Variants in PLCXD3 observed in about 807,000 individuals in gnomAD.
PLCXD3 encodes phosphatidylinositol specific phospholipase C X domain containing 3, also known as PI-PLC X domain-containing protein 3.
In PLCXD3, 19 loss-of-function variants were observed where a neutral mutation model predicts 25.5. The observed-to-expected ratio is 0.75, with a 90% CI of 0.52 to 1.09. The LOEUF (loss-of-function observed/expected upper bound fraction) is 1.09. PLCXD3 is among the 50% of genes least tolerant of loss of function. The pLI is 0.00. For synonymous variants in PLCXD3, 174 were observed against 137.6 expected (o/e 1.26, Z -1.85); for missense variants, 411 against 388.1 (o/e 1.06, Z -0.50).
chr5:41,329,582 T>C (rs1580303189), intron 2 of PLCXD3, among the ~76,000 whole-genome samples: 1 of 152,134 alleles, frequency 6.6e-6, no homozygotes, highest in Non-Finnish European at 1.5e-5. Context: ...TTTTGCTGAA[T>C]AAAAGTAATT....
At position 41,393,958 on chromosome 5, in the gene PLCXD3, T is replaced by A. The variant is rs550695079; in HGVS notation, c.104-11424A>T. Among the ~76,000 whole-genome samples the A allele has an allele frequency of 9.9e-5, 15 of 151,780 alleles. No homozygotes were observed. The South Asian group carries it at 3.1e-3, about 32-fold the overall frequency. On this transcript the variant is annotated intron_variant, in intron 1 of 2. Transcript: ENST00000377801. ...AAGAAAAAAAACAAAAACACCTCACTCGTAATAGTAAACATGGCAGAAAAA... is the reference window on the plus strand; with the variant it reads ...AAGAAAAAAAACAAAAACACCTCACACGTAATAGTAAACATGGCAGAAAAA...
At chr5:41,465,946 T>C in intron 1 of PLCXD3, among the ~76,000 whole-genome samples, 1 of 152,098 alleles carries the variant, frequency 6.6e-6, no homozygotes, top group Non-Finnish European at 1.5e-5. Flanking sequence ...AGATCTTAGC[T>C]AAGAAAAGAA....
intron 1 of PLCXD3, among the ~76,000 whole-genome samples, chr5:41,470,015 C>T (rs922228184): frequency 6.6e-6 from 1 of 152,152 alleles, no homozygotes; most frequent in African/African-American, 2.4e-5. Flanking sequence ...TTAGAAAGAA[C>T]TCAACAAAAG....
At chr5:41,415,619 A>G (rs989671142) in intron 1 of PLCXD3, among the ~76,000 whole-genome samples, 2 of 152,212 alleles carry the variant, frequency 1.3e-5, no homozygotes, top group Non-Finnish European at 2.9e-5. Context: ...ACTTAGTTCC[A>G]TTCTGCATTT....
At chr5:41,491,926 C>T (rs1351177905) in intron 1 of PLCXD3, among the ~76,000 whole-genome samples, 3 of 152,114 alleles carry the variant, frequency 2.0e-5, no homozygotes, top group Non-Finnish European at 2.9e-5. Context: ...AGTATTTAGT[C>T]CATTTACATT....
chr5:41,431,582 A>G (rs929119174), intron 1 of PLCXD3, among the ~76,000 whole-genome samples: 12 of 152,238 alleles, frequency 7.9e-5, no homozygotes, highest in South Asian at 6.2e-4. Flanking sequence ...ATTACATTAT[A>G]TAGCTGTTTG....
chr5:41,358,002 T>C (rs906245800), intron 2 of PLCXD3, among the ~76,000 whole-genome samples: 1 of 152,222 alleles, frequency 6.6e-6, no homozygotes, highest in African/African-American at 2.4e-5. Flanking sequence ...CAAAGAAGAT[T>C]ATTTACTCTG....
intron 2 of PLCXD3, among the ~76,000 whole-genome samples, chr5:41,374,832 G>T (rs1305664222): frequency 2.0e-5 from 3 of 152,190 alleles, no homozygotes; most frequent in African/African-American, 4.8e-5. Flanking sequence ...CTTGGGACAT[G>T]GCCTAGGGTG....
At chr5:41,445,264 A>C (rs1435957499) in intron 1 of PLCXD3, among the ~76,000 whole-genome samples, 1 of 152,194 alleles carries the variant, frequency 6.6e-6, no homozygotes, top group East Asian at 1.9e-4. Context: ...GAGTATTTTC[A>C]AGTACCAATT....
Position 41,488,649 on chromosome 5 carries a change from T to C in PLCXD3, c.103+21775A>G, listed in dbSNP as rs1346509044. On this transcript the variant is annotated intron_variant, in intron 1 of 2. Transcript: ENST00000377801. Reference sequence around the variant, plus strand: ...ACTGGTGTGAGCTGGTATCTCATTGTGGTTTTGATTTGCATTTCTCTGATG... The same window carrying C: ...ACTGGTGTGAGCTGGTATCTCATTGCGGTTTTGATTTGCATTTCTCTGATG... Among the ~76,000 whole-genome samples, 5 of 146,632 alleles carry C rather than the reference T, an allele frequency of 3.4e-5. 1 individual carries two copies. The highest frequency in any genetic ancestry group is 1.3e-4 in the African/African-American group (5 of 37,650).
At chr5:41,492,621 G>A (rs1748729161) in intron 1 of PLCXD3, among the ~76,000 whole-genome samples, 2 of 152,094 alleles carry the variant, frequency 1.3e-5, no homozygotes, top group Admixed American at 6.5e-5. Context: ...TTTCTTGGAG[G>A]CTTTGTTCGT....
At chr5:41,456,670 C>T (rs539703316) in intron 1 of PLCXD3, 2 of 256,282 alleles carry the variant, frequency 7.8e-6, no homozygotes, top group Non-Finnish European at 1.2e-5. Flanking sequence ...TGATTAGGTC[C>T]TGAAGGTGGA....
intron 1 of PLCXD3, among the ~76,000 whole-genome samples, chr5:41,410,164 G>A (rs534836365): frequency 6.7e-4 from 80 of 118,902 alleles, no homozygotes; most frequent in African/African-American, 2.1e-3. Flanking sequence ...TTTTGAGACG[G>A]AGTCTCACTC....
chr5:41,489,070 G>T (rs200576161), intron 1 of PLCXD3, among the ~76,000 whole-genome samples: 1 of 152,124 alleles, frequency 6.6e-6, no homozygotes, highest in South Asian at 2.1e-4. Flanking sequence ...TAGGTCTAAC[G>T]TTTAAGTCTT....
At chr5:41,395,846 A>G (rs1354799730) in intron 1 of PLCXD3, among the ~76,000 whole-genome samples, 1 of 152,110 alleles carries the variant, frequency 6.6e-6, no homozygotes, top group Non-Finnish European at 1.5e-5. Flanking sequence ...TTGGGACCTG[A>G]TGGTTTCACT....
intron 1 of PLCXD3, among the ~76,000 whole-genome samples, chr5:41,492,965 G>T (rs888822401): frequency 1.3e-5 from 2 of 152,222 alleles, no homozygotes; most frequent in African/African-American, 4.8e-5. Context: ...TTGTTCCATT[G>T]CTGGTGAGGA....
chr5:41,338,701 G>A (rs1034306202), intron 2 of PLCXD3, among the ~76,000 whole-genome samples: 3 of 151,758 alleles, frequency 2.0e-5, no homozygotes, highest in Non-Finnish European at 2.9e-5. Flanking sequence ...CCTCTTCAAC[G>A]TGATATTCCT....
At chr5:41,506,294 G>A (rs1372201938) in intron 1 of PLCXD3, among the ~76,000 whole-genome samples, 3 of 152,212 alleles carry the variant, frequency 2.0e-5, no homozygotes, top group Admixed American at 1.3e-4. Flanking sequence ...TCGAGGATTT[G>A]ATTCATCAAG....
At chr5:41,440,636 T>C (rs1176239847) in intron 1 of PLCXD3, among the ~76,000 whole-genome samples, 1 of 152,196 alleles carries the variant, frequency 6.6e-6, no homozygotes, top group African/African-American at 2.4e-5. Context: ...TATGTATATA[T>C]GTACATAGAG....
Sources: gnomAD v4.1 joint callset for allele counts (sites outside exome capture counted in the v4.1 genomes callset) on GRCh38, gnomAD v4.1.1 for gene constraint, MANE v1.5 for transcripts, NCBI Gene and HGNC (gene_info 2026-07-23, HGNC 2026-07-21) for gene names.